The following ASB18 variants were observed in gnomAD, a reference collection of about 807,000 sequenced individuals.
ASB18 encodes the protein ankyrin repeat and SOCS box protein 18.
Under a neutral mutation model 33.4 loss-of-function variants are expected in ASB18, and 33 were observed. The observed-to-expected ratio is 0.99, with a 90% CI of 0.75 to 1.32. ASB18 has a LOEUF of 1.32. Ranked by LOEUF, ASB18 falls within the 40% of genes most tolerant of loss-of-function variation. The probability of loss-of-function intolerance (pLI) is 0.00; values close to 1 mark genes in which losing one functional copy is unlikely to be tolerated. For synonymous variants in ASB18, 295 were observed against 307.6 expected, an observed-to-expected ratio of 0.96 and a Z score of 0.43; for missense variants, 694 against 655.5, an observed-to-expected ratio of 1.06 and a Z score of -0.64.
chr2:236,216,696 A>G lies in ASB18; in HGVS notation c.597-1830T>C, dbSNP rs1471634020. 3.3e-5 allele frequency among the ~76,000 whole-genome samples: 5 copies of G among 152,110 alleles called. No homozygotes were observed. In the South Asian group the frequency reaches 1.0e-3, roughly 32 times the overall value. ...GTCTCTTCATTTGCCCCTTGCTGCA[A>G]TCTAGCAAACTGCATACTATCTGGA... On this transcript the variant is annotated intron_variant, in intron 3 of 5. Transcript: ENST00000409749. The surrounding 1 kb of genome is among the most constrained non-coding windows in gnomAD (Gnocchi z 6.1).
Position 236,197,475 on chromosome 2 carries a change from G to A in ASB18, c.1102-1090C>T, listed in dbSNP as rs189737628. 5.3e-5 allele frequency among the ~76,000 whole-genome samples: 8 copies of A among 152,290 alleles called. 1 individual carries two copies. In the South Asian group the frequency reaches 1.5e-3, roughly 28 times the overall value. On this transcript the variant is annotated intron_variant, in intron 4 of 5. Transcript: ENST00000409749. ...TGGGGCTTTTGCTGATTACATCCCT[G>A]TGGGATTTGTGGACATGCTGCTCTT...
In ASB18 at chr2:236,194,944, G is replaced by A. The variant is rs768432124; in HGVS notation, c.1329C>T (p.Leu443=). Residue 443 remains leucine (L), a synonymous_variant, in exon 6 of 6, where the codon CTC becomes CTT. Transcript: ENST00000409749. The surrounding 1 kb of genome is among the most constrained non-coding windows in gnomAD (Gnocchi z 4.5). The stretch of plus-strand genomic sequence containing the variant: ...GCTTTGGCAAGGGTAACAGGGGGAT[G>A]AGGTCAAAGCACCTTTTGCCAAACA... ...RRLFGKRCFD[L]IPLLPLPKPL... is the part of the protein sequence containing the mutation. The A allele has an allele frequency of 6.2e-7, 1 of 1,613,884 alleles. No homozygotes were observed. Among genetic ancestry groups the A allele is most frequent in the East Asian group, 2.2e-5 (1 of 44,884 alleles).
At position 236,237,894 on chromosome 2, in the gene ASB18, C is replaced by G. The variant is rs1436854464; in HGVS notation, c.391G>C (p.Gly131Arg). The change falls in exon 3 of 6, where the codon GGC (glycine) becomes CGC (arginine). Residue 131 changes from glycine (G) to arginine (R), a missense_variant. Coordinates refer to ENST00000409749, the MANE Select transcript of ASB18 (RefSeq NM_212556.4). This position sits in a 1 kb window ranked among gnomAD's most constrained non-coding sequence, Gnocchi z 6.2. ...AGGTGTCGCACGCAGGCGGTGTGGC[C>G]GTGGGCCGCGGCGATGCACAGGGGC... ...TTPLCIAAAH[G>R]HTACVRHLLG... 2 of 1,499,586 alleles carry G rather than the reference C, an allele frequency of 1.3e-6. No individual in the cohort carries two copies. Among genetic ancestry groups the G allele is most frequent in the African/African-American group, 2.9e-5 (2 of 69,038 alleles). The allele number at this position is 1,499,586 out of a possible 1,614,324, so 92.9% of individuals were successfully genotyped here.
chr2:236,242,345 CA>C (rs2060624766), intron 1 of ASB18, among the ~76,000 whole-genome samples: 4 of 152,144 alleles, frequency 2.6e-5, no homozygotes, highest in African/African-American at 9.7e-5. Flanking sequence ...AGTCTTTCTC[CA>C]AGCGAAGGCG....
In ASB18 at chr2:236,241,693, G is replaced by A. The variant is rs1056674809; in HGVS notation, c.206-291C>T. ...TAATGGTTACTTGATATGACCAGGG[G>A]CATGTGAGCACTGGGATGCCGCAGT... is the stretch of plus-strand genomic sequence containing the variant. On this transcript the variant is annotated intron_variant, in intron 1 of 5. Coordinates refer to ENST00000409749, the MANE Select transcript of ASB18 (RefSeq NM_212556.4). This position sits in a 1 kb window ranked among gnomAD's most constrained non-coding sequence, Gnocchi z 4.2. Among the ~76,000 whole-genome samples the A allele has an allele frequency of 2.6e-5, 4 of 152,118 alleles. No individual in the cohort carries two copies. The highest frequency in any genetic ancestry group is 5.9e-5 in the Non-Finnish European group (4 of 68,034).
rs1314702212 is a variant in ASB18, at chr2:236,211,282, G to GC, written c.1101+3079dup. On this transcript the variant is annotated intron_variant, in intron 4 of 5. Coordinates refer to ENST00000409749, the MANE Select transcript of ASB18 (RefSeq NM_212556.4). The surrounding 1 kb of genome is among the most constrained non-coding windows in gnomAD (Gnocchi z 5.0). Reference sequence around the variant, plus strand: ...TGCCTGCCCTCGGTGCCCTGTCCCTGCCCCCAGTGTTAACTAGCGGTCAGC... The same window carrying GC: ...TGCCTGCCCTCGGTGCCCTGTCCCTGCCCCCCAGTGTTAACTAGCGGTCAGC... 6.6e-6 allele frequency among the ~76,000 whole-genome samples: 1 copy of GC among 152,168 alleles called. No homozygotes were observed. Among genetic ancestry groups the GC allele is most frequent in the Non-Finnish European group, 1.5e-5 (1 of 68,020 alleles).
chr2:236,201,066 C>T (rs565830266), intron 4 of ASB18, among the ~76,000 whole-genome samples: 5 of 152,008 alleles, frequency 3.3e-5, no homozygotes, highest in Non-Finnish European at 7.4e-5. Flanking sequence ...TCCCTTTGAA[C>T]GTTGGTAGGG....
rs2060515991 is a variant in ASB18 at position 236,222,198 on chromosome 2, C to G, written c.597-7332G>C. 1.3e-5 allele frequency among the ~76,000 whole-genome samples: 2 copies of G among 152,136 alleles called. No homozygotes were observed. Among genetic ancestry groups the G allele is most frequent in the African/African-American group, 4.8e-5 (2 of 41,430 alleles). ...TTTCCTTTGGGGATCTTCCATCTAC[C>G]CCTTTCTGTTCTGCATTTTCTTTTC... On this transcript the variant is annotated intron_variant, in intron 3 of 5. Transcript: ENST00000409749. The surrounding 1 kb of genome is among the most constrained non-coding windows in gnomAD (Gnocchi z 5.5).
Position 236,237,708 on chromosome 2 carries a change from G to C in ASB18, c.577C>G (p.Arg193Gly), listed in dbSNP as rs1425131935. ...AEGLAPLHLCRTAASLGCAQA... is the reference protein window; with the variant it reads ...AEGLAPLHLCGTAASLGCAQA... ...CCTTACCCGAGCGAGGCGGCCGTGC[G>C]GCAGAGGTGCAGAGGCGCCAGGCCC... The change falls in exon 3 of 6, where the codon CGC (arginine) becomes GGC (glycine). Residue 193 changes from arginine to glycine, a missense_variant. Transcript: ENST00000409749. This position sits in a 1 kb window ranked among gnomAD's most constrained non-coding sequence, Gnocchi z 6.2. 5.5e-6 allele frequency: 8 copies of C among 1,457,168 alleles called. No individual in the cohort carries two copies. The highest frequency in any genetic ancestry group is 7.2e-6 in the Non-Finnish European group (8 of 1,110,794). The allele number at this position is 1,457,168 out of a possible 1,614,324, so 90.3% of individuals were successfully genotyped here.
intron 3 of ASB18, among the ~76,000 whole-genome samples, chr2:236,224,543 C>A (rs2060528138): frequency 6.7e-6 from 1 of 149,198 alleles, no homozygotes; most frequent in Admixed American, 6.8e-5. Flanking sequence ...TTCCTGATTA[C>A]AGACAGTTTT....
rs113672805 is a variant in ASB18, at chr2:236,252,267, T to TCACACACACACACACA, written c.206-10881_206-10866dup. On this transcript the variant is annotated intron_variant, in intron 1 of 5. Coordinates refer to ENST00000409749, the MANE Select transcript of ASB18 (RefSeq NM_212556.4). The surrounding 1 kb of genome is among the most constrained non-coding windows in gnomAD (Gnocchi z 7.9). Reference sequence around the variant, plus strand: ...GCCTTGGCAACAGAGTGAGACTCCGTCACACACACACACACACACACACAC... The same window carrying TCACACACACACACACA: ...GCCTTGGCAACAGAGTGAGACTCCGTCACACACACACACACACACACACACACACACACACACACAC... Among the ~76,000 whole-genome samples the TCACACACACACACACA allele has an allele frequency of 8.1e-4, 113 of 138,670 alleles. No individual in the cohort carries two copies. The highest frequency in any genetic ancestry group is 1.4e-3 in the East Asian group (6 of 4,392). The allele number at this position is 138,670 out of a possible 152,430, so 91.0% of individuals were successfully genotyped here. A position where few individuals can be genotyped will look rare whatever the true frequency, so the allele number is the denominator to read the frequency against.
chr2:236,258,919 A>G (rs895975436), intron 1 of ASB18, among the ~76,000 whole-genome samples: 1 of 152,232 alleles, frequency 6.6e-6, no homozygotes, highest in Non-Finnish European at 1.5e-5. Flanking sequence ...ACTTGTATAT[A>G]ATATATCAGC....
rs767145284 is a variant in ASB18 at position 236,195,432 on chromosome 2, G to C, written c.1216-375C>G. On this transcript the variant is annotated intron_variant, in intron 5 of 5. Transcript: ENST00000409749. The surrounding 1 kb of genome is among the most constrained non-coding windows in gnomAD (Gnocchi z 5.5). ...TTCTGCCAGGGAGGGGCTCAGGAGC[G>C]AGTGCATGGCATTGGTCTGGTGGTC... Among the ~76,000 whole-genome samples the C allele has an allele frequency of 6.6e-6, 1 of 152,210 alleles. No homozygotes were observed. Among genetic ancestry groups the C allele is most frequent in the East Asian group, 1.9e-4 (1 of 5,176 alleles).
In ASB18 at chr2:236,211,460, A is replaced by G. The variant is rs892556727; in HGVS notation, c.1101+2902T>C. Reference sequence around the variant, plus strand: ...CTTTGTCTGGGCATGGGGAGCTGTGATTTATGTCATAAGCTCGCTGTGAAA... The same window carrying G: ...CTTTGTCTGGGCATGGGGAGCTGTGGTTTATGTCATAAGCTCGCTGTGAAA... On this transcript the variant is annotated intron_variant, in intron 4 of 5. Coordinates refer to ENST00000409749, the MANE Select transcript of ASB18 (RefSeq NM_212556.4). The surrounding 1 kb of genome is among the most constrained non-coding windows in gnomAD (Gnocchi z 5.0). 1.3e-5 allele frequency among the ~76,000 whole-genome samples: 2 copies of G among 152,208 alleles called. No homozygotes were observed. The highest frequency in any genetic ancestry group is 2.9e-5 in the Non-Finnish European group (2 of 68,038).
At position 236,234,678 on chromosome 2, in the gene ASB18, T is replaced by C. The variant is rs2060580781; in HGVS notation, c.596+3011A>G. On this transcript the variant is annotated intron_variant, in intron 3 of 5. Coordinates refer to ENST00000409749, the MANE Select transcript of ASB18 (RefSeq NM_212556.4). The surrounding 1 kb of genome is among the most constrained non-coding windows in gnomAD (Gnocchi z 4.1). ...CCGTTTGGTGGAGAAAGGAAGGGTTTAGATTCACAAATACTTATTTTCTAC... is the reference window on the plus strand; with the variant it reads ...CCGTTTGGTGGAGAAAGGAAGGGTTCAGATTCACAAATACTTATTTTCTAC... Among the ~76,000 whole-genome samples the C allele has an allele frequency of 1.3e-5, 2 of 152,240 alleles. No homozygotes were observed.
chr2:236,197,682 C>T (rs77504099), intron 4 of ASB18, among the ~76,000 whole-genome samples: 26,135 of 152,022 alleles, frequency 0.17, 2,276 homozygotes, highest in South Asian at 0.25. Context: ...ATTAGCTGGG[C>T]GTGGTGGCAC....
chr2:236,247,125 C>CTTTT (rs3033949), intron 1 of ASB18, among the ~76,000 whole-genome samples: 1 of 133,748 alleles, frequency 7.5e-6, no homozygotes, highest in African/African-American at 2.7e-5. Flanking sequence ...GAAACAGACT[C>CTTTT]TTTTTTTTTT....
In ASB18 at chr2:236,202,414, C is replaced by T. The variant is rs138343964; in HGVS notation, c.1102-6029G>A. On this transcript the variant is annotated intron_variant, in intron 4 of 5. Coordinates refer to ENST00000409749, the MANE Select transcript of ASB18 (RefSeq NM_212556.4). ...CTTTTTGTTTTCTGCTTCTTGTTTC[C>T]TTTGTTTTCCGGTTCTGTTGTACAT... Among the ~76,000 whole-genome samples the T allele has an allele frequency of 1.3e-3, 205 of 151,928 alleles. 2 individuals carry two copies. In the South Asian group the frequency reaches 0.019, roughly 14 times the overall value.
chr2:236,243,328 T>TG (rs2060630611), intron 1 of ASB18, among the ~76,000 whole-genome samples: 2 of 77,858 alleles, frequency 2.6e-5, no homozygotes, highest in East Asian at 6.0e-4. Flanking sequence ...AGACTCCATC[T>TG]CAAAAAAAAA....
Sources: gnomAD v4.1 joint callset for allele counts (sites outside exome capture counted in the v4.1 genomes callset) on GRCh38, gnomAD v4.1.1 for gene constraint, Gnocchi (gnomAD v3.1) non-coding constraint, MANE v1.5 for transcripts, NCBI Gene and HGNC (gene_info 2026-07-23, HGNC 2026-07-21) for gene names.